BCL2: variants seen among roughly 807,000 people sequenced by gnomAD.
BCL2 encodes BCL2 apoptosis regulator, also known as apoptosis regulator Bcl-2.
Under a neutral mutation model 14.2 loss-of-function variants are expected in BCL2, and 1 was observed. The ratio of observed to expected loss-of-function variants is 0.07; its 90% CI spans 0.02 to 0.33. The LOEUF is 0.33. BCL2 is among the 10% of genes least tolerant of loss of function. The pLI, the probability that BCL2 is intolerant of heterozygous loss-of-function variation, is 0.99. For synonymous variants in BCL2, 151 were observed against 137.2 expected (o/e 1.10, Z -0.70); for missense variants, 247 against 305.9 (o/e 0.81, Z 1.44).
At chr18:63,188,167 T>A (rs982619798) in intron 2 of BCL2, among the ~76,000 whole-genome samples, 1 of 152,220 alleles carries the variant, frequency 6.6e-6, no homozygotes, top group Admixed American at 6.5e-5. Flanking sequence ...TTTAAGCAGC[T>A]ATCTGTCTTA....
chr18:63,141,833 C>T (rs1914372013), intron 2 of BCL2, among the ~76,000 whole-genome samples: 1 of 152,224 alleles, frequency 6.6e-6, no homozygotes, highest in Non-Finnish European at 1.5e-5. Flanking sequence ...CAAATATGCT[C>T]TACTTGTCGG....
chr18:63,306,765 C>T (rs1913147636), intron 2 of BCL2, among the ~76,000 whole-genome samples: 1 of 152,170 alleles, frequency 6.6e-6, no homozygotes, highest in Non-Finnish European at 1.5e-5. Context: ...CCAAGCTTGT[C>T]CAATCCATGG....
chr18:63,278,736 T>C (rs973464565), intron 2 of BCL2, among the ~76,000 whole-genome samples: 9 of 152,308 alleles, frequency 5.9e-5, no homozygotes, highest in Admixed American at 4.6e-4. Flanking sequence ...TTGAATAAAG[T>C]CTTCTCTGCC....
At chr18:63,287,930 A>G (rs1206002388) in intron 2 of BCL2, among the ~76,000 whole-genome samples, 2 of 152,188 alleles carry the variant, frequency 1.3e-5, no homozygotes, top group African/African-American at 2.4e-5. Flanking sequence ...CAGATGAGAA[A>G]ACCAAGTTGA....
intron 2 of BCL2, among the ~76,000 whole-genome samples, chr18:63,270,973 A>C (rs1043647531): frequency 6.6e-6 from 1 of 152,104 alleles, no homozygotes; most frequent in African/African-American, 2.4e-5. Flanking sequence ...GCATGTGGCC[A>C]CCACACCTGG....
At chr18:63,263,701 G>A (rs946338348) in intron 2 of BCL2, among the ~76,000 whole-genome samples, 2 of 152,198 alleles carry the variant, frequency 1.3e-5, no homozygotes, top group Non-Finnish European at 2.9e-5. Flanking sequence ...TGATGGGGCT[G>A]GGAAACCAGG....
chr18:63,198,451 C>CACAGAGACACACACAGACACACACTG (rs1909525185), intron 2 of BCL2, among the ~76,000 whole-genome samples: 3 of 150,394 alleles, frequency 2.0e-5, no homozygotes, highest in Admixed American at 6.6e-5. Context: ...GACACACAGA[C>CACAGAGACACACACAGACACACACTG]ACAGAGACAC....
intron 2 of BCL2, among the ~76,000 whole-genome samples, chr18:63,155,812 T>C (rs1914765154): frequency 6.6e-6 from 1 of 152,046 alleles, no homozygotes; most frequent in African/African-American, 2.4e-5. Flanking sequence ...CCTTGAACCC[T>C]CTCCTTTCTT....
intron 2 of BCL2, among the ~76,000 whole-genome samples, chr18:63,281,122 C>T (rs78669694): frequency 0.026 from 3,939 of 152,186 alleles, 88 homozygotes; most frequent in Middle Eastern, 0.041. Flanking sequence ...CTAGAGTAGT[C>T]AAGTTCATAG....
At chr18:63,210,289 C>T (rs1230370900) in intron 2 of BCL2, among the ~76,000 whole-genome samples, 3 of 152,128 alleles carry the variant, frequency 2.0e-5, no homozygotes, top group African/African-American at 7.2e-5. Context: ...TTAGTGGAGG[C>T]CTTGGGGGTG....
Position 63,129,300 on chromosome 18 carries a change from T to C in BCL2, c.586-541A>G, listed in dbSNP as rs536702954. Among the ~76,000 whole-genome samples, 906 of 151,640 alleles carry C rather than the reference T, an allele frequency of 6.0e-3. 11 individuals are homozygous for C. Among genetic ancestry groups the C allele is most frequent in the African/African-American group, 0.021 (863 of 41,390 alleles). ...TACCAAACTTTTTCTTTCTTTTTTTTTTTTTAGAGACAAGAGTCTTGCTCT... is the reference window on the plus strand; with the variant it reads ...TACCAAACTTTTTCTTTCTTTTTTTCTTTTTAGAGACAAGAGTCTTGCTCT... On this transcript the variant is annotated intron_variant, in intron 2 of 2. Transcript: ENST00000333681.
At chr18:63,183,488 A>G (rs560987513) in intron 2 of BCL2, among the ~76,000 whole-genome samples, 5 of 152,334 alleles carry the variant, frequency 3.3e-5, no homozygotes, top group African/African-American at 1.2e-4. Flanking sequence ...GCTGTTCCTC[A>G]TGAGAGACAG....
At chr18:63,244,102 C>G (rs556673834) in intron 2 of BCL2, among the ~76,000 whole-genome samples, 1 of 151,994 alleles carries the variant, frequency 6.6e-6, no homozygotes, top group African/African-American at 2.4e-5. Flanking sequence ...AAATTAGGCC[C>G]GGCACAGTGG....
chr18:63,275,751 C>A (rs1164753142), intron 2 of BCL2, among the ~76,000 whole-genome samples: 1 of 152,220 alleles, frequency 6.6e-6, no homozygotes, highest in Non-Finnish European at 1.5e-5. Context: ...CATGGCCAAC[C>A]CTTGCAGGCC....
chr18:63,232,339 TG>T (rs1910712195), intron 2 of BCL2, among the ~76,000 whole-genome samples: 1 of 152,084 alleles, frequency 6.6e-6, no homozygotes, highest in African/African-American at 2.4e-5. Flanking sequence ...TGATGAAGGA[TG>T]CCAAAAAACA....
intron 2 of BCL2, among the ~76,000 whole-genome samples, chr18:63,281,490 C>A (rs1000084987): frequency 3.3e-5 from 5 of 151,862 alleles, no homozygotes; most frequent in African/African-American, 1.2e-4. Flanking sequence ...CACAGTGAGA[C>A]CCCTGTCTCT....
At chr18:63,291,056 G>C (rs111978185) in intron 2 of BCL2, among the ~76,000 whole-genome samples, 1 of 152,000 alleles carries the variant, frequency 6.6e-6, no homozygotes, top group East Asian at 1.9e-4. Flanking sequence ...TTCAACACCC[G>C]GCACCCACAG....
At chr18:63,252,980 A>T (rs1911358508) in intron 2 of BCL2, among the ~76,000 whole-genome samples, 1 of 152,228 alleles carries the variant, frequency 6.6e-6, no homozygotes, top group African/African-American at 2.4e-5. Context: ...CCCGATTTTT[A>T]AAAAGTGAAT....
chr18:63,263,462 G>A (rs1911720844), intron 2 of BCL2, among the ~76,000 whole-genome samples: 1 of 152,196 alleles, frequency 6.6e-6, no homozygotes, highest in Admixed American at 6.5e-5. Context: ...GAGGGAGCAG[G>A]AGGGCTGATG....
Sources: gnomAD v4.1 joint callset for allele counts (sites outside exome capture counted in the v4.1 genomes callset) on GRCh38, gnomAD v4.1.1 for gene constraint, MANE v1.5 for transcripts, NCBI Gene and HGNC (gene_info 2026-07-23, HGNC 2026-07-21) for gene names.